Variants in MATR3 observed in about 807,000 individuals in gnomAD.
MATR3 encodes matrin 3.
A neutral mutation model predicts 85.5 loss-of-function variants in MATR3; 4 were observed. The observed-to-expected ratio is 0.05, with a 90% CI of 0.02 to 0.11. The LOEUF (loss-of-function observed/expected upper bound fraction) is 0.11. MATR3 is among the 10% of genes least tolerant of loss of function. MATR3 has a pLI of 1.00. For synonymous variants in MATR3, 336 were observed against 343.1 expected (o/e 0.98, Z 0.23); for missense variants, 685 against 1,016.1 (o/e 0.67, Z 4.43).
At chr5:139,275,197 C>T (rs945763953) in intron 1 of MATR3, among the ~76,000 whole-genome samples, 3 of 124,858 alleles carry the variant, frequency 2.4e-5, no homozygotes, top group Non-Finnish European at 3.2e-5. Flanking sequence ...CGGGGTTTCA[C>T]CGTGTTAGCC....
chr5:139,291,938 C>A (rs954961395), upstream of MATR3: 1 of 79,796 alleles, frequency 1.3e-5, no homozygotes, highest in Admixed American at 1.8e-4. Flanking sequence ...ATTACATAAC[C>A]TTTTTTTTTT....
intron 9 of MATR3, among the ~76,000 whole-genome samples, chr5:139,319,860 C>CT (rs58123057): frequency 0.11 from 4,975 of 44,230 alleles, 532 homozygotes; most frequent in Non-Finnish European, 0.16. Context: ...AAAAAATTTG[C>CT]TTTTTTTTTT....
At chr5:139,288,185 G>C (rs1037150579) in intron 3 of MATR3, among the ~76,000 whole-genome samples, 1 of 152,140 alleles carries the variant, frequency 6.6e-6, no homozygotes, top group African/African-American at 2.4e-5. Context: ...GTGCACTCCA[G>C]CCTGGGAAAC....
At chr5:139,300,057 A>AT (rs1370443448) in intron 1 of MATR3, 1 of 152,178 alleles carries the variant, frequency 6.6e-6, no homozygotes, top group Non-Finnish European at 1.5e-5. Context: ...TAGATAGTGT[A>AT]TTGTTCTTTA....
At chr5:139,327,060 A>G (rs899675522) in intron 14 of MATR3, among the ~76,000 whole-genome samples, 3 of 152,182 alleles carry the variant, frequency 2.0e-5, no homozygotes, top group East Asian at 3.8e-4. Context: ...AATAATTCCT[A>G]TTGAGATATA....
chr5:139,309,339 T>C (rs1445474211), intron 2 of MATR3, among the ~76,000 whole-genome samples: 2 of 152,172 alleles, frequency 1.3e-5, no homozygotes, highest in African/African-American at 4.8e-5. Flanking sequence ...TGGAACAAGT[T>C]GCTGCCATGA....
At position 139,330,943 on chromosome 5, in the gene MATR3, A is replaced by G; in HGVS notation, c.*1548A>G. 1 of 454,000 alleles carries G rather than the reference A, an allele frequency of 2.2e-6. No individual in the cohort carries two copies. The highest frequency in any genetic ancestry group is 1.6e-5 in the South Asian group (1 of 64,472). The allele number at this position is 454,000 out of a possible 1,614,324, so 28.1% of individuals were successfully genotyped here. A position where few individuals can be genotyped will look rare whatever the true frequency, so the allele number is the denominator to read the frequency against. ...GTAGCTGGGACTACAGGCTCATGCCACTATACCTGGCTAGTTTTTGGTTTT... is the reference window on the plus strand; with the variant it reads ...GTAGCTGGGACTACAGGCTCATGCCGCTATACCTGGCTAGTTTTTGGTTTT... On this transcript the variant is annotated 3_prime_UTR_variant, in exon 15 of 15. Transcript: ENST00000394805.
chr5:139,285,325 CAT>C (rs1753668661), intron 3 of MATR3: 2 of 152,146 alleles, frequency 1.3e-5, no homozygotes, highest in Admixed American at 1.3e-4. Flanking sequence ...CAGAACAAAA[CAT>C]AGTCTTTTAG....
chr5:139,300,699 C>G (rs936777714), intron 1 of MATR3, among the ~76,000 whole-genome samples: 3 of 152,220 alleles, frequency 2.0e-5, no homozygotes, highest in Admixed American at 2.0e-4. Context: ...CACTCTGTCA[C>G]CCAGGCTGCA....
chr5:139,329,254 A>G (rs1200893777), intron 14 of MATR3, 91 bp from the exon 15 acceptor site: 9 of 904,782 alleles, frequency 9.9e-6, no homozygotes, highest in Admixed American at 3.6e-5. Flanking sequence ...AAGTCCCTAA[A>G]CTTGGATATA....
chr5:139,306,146 A>G (rs1257674663), intron 1 of MATR3, among the ~76,000 whole-genome samples: 1 of 152,172 alleles, frequency 6.6e-6, no homozygotes, highest in Non-Finnish European at 1.5e-5. Flanking sequence ...GATGTTATGT[A>G]TATCTTTCAA....
At chr5:139,328,183 A>T (rs980184523) in intron 14 of MATR3, among the ~76,000 whole-genome samples, 1 of 152,060 alleles carries the variant, frequency 6.6e-6, no homozygotes, top group African/African-American at 2.4e-5. Context: ...TTTATTAAAA[A>T]AAAAAAAAAA....
In MATR3 at chr5:139,307,856, G is replaced by A; in HGVS notation, c.441G>A (p.Arg147=). 1 of 1,614,106 alleles carries A rather than the reference G, an allele frequency of 6.2e-7. No individual in the cohort carries two copies. The highest frequency in any genetic ancestry group is 8.5e-7 in the Non-Finnish European group (1 of 1,180,002). Residue 147 remains arginine (R), a synonymous_variant, in exon 2 of 15, where the codon AGG becomes AGA. Transcript: ENST00000394805. This position sits in a 1 kb window ranked among gnomAD's most constrained non-coding sequence, Gnocchi z 4.4. The part of the protein sequence containing the change: ...NLPQILLQLK[R]RRTEEGPTLS... ...CCCAAATCCTTCTACAGCTTAAAAG[G>A]AGGAGAACTGAAGAAGGCCCTACCT...
At chr5:139,302,920 G>A (rs995945224) in intron 1 of MATR3, among the ~76,000 whole-genome samples, 2 of 152,150 alleles carry the variant, frequency 1.3e-5, no homozygotes, top group Non-Finnish European at 2.9e-5. Flanking sequence ...GCTGTTGCTT[G>A]TAAGTTTCAA....
rs532990378 is a variant in MATR3, at chr5:139,316,205, C to A, written c.1129+17C>A. On this transcript the variant is annotated intron_variant, in intron 5 of 14. Coordinates refer to ENST00000394805, the MANE Select transcript of MATR3 (RefSeq NM_018834.6). ...GAAATCTGGGTAATTATATAAAATT[C>A]ATGTTACTTTTCCCTACAGAGCCGT... The A allele has an allele frequency of 6.4e-7, 1 of 1,569,230 alleles. No individual in the cohort carries two copies. Among genetic ancestry groups the A allele is most frequent in the East Asian group, 2.2e-5 (1 of 44,644 alleles).
rs1753235976 is a variant in MATR3 at position 139,275,350 on chromosome 5, GCCTCC to G, written c.-286-770_-286-766del. 8.6e-5 allele frequency among the ~76,000 whole-genome samples: 13 copies of G among 151,866 alleles called. No homozygotes were observed. The South Asian group carries it at 2.7e-3, about 32-fold the overall frequency. ...TAGTTGAGGTCTTGGCACGACTACT[GCCTCC>G]AATTCCCCTCACATCCAATACTGCA... On this transcript the variant is annotated intron_variant, in intron 1 of 16. Coordinates refer to ENST00000509990, the Ensembl canonical transcript of MATR3.
rs192042903 is a variant in MATR3 at position 139,309,791 on chromosome 5, A to G, written c.912+1464A>G. On this transcript the variant is annotated intron_variant, in intron 2 of 14. Transcript: ENST00000394805. ...GTTTCTGATCAGCACTAAACTTTAA[A>G]TTTTAGGTCCCGTGTGAATTCATAG... Among the ~76,000 whole-genome samples, 114 of 152,278 alleles carry G rather than the reference A, an allele frequency of 7.5e-4. 1 individual carries two copies. The Middle Eastern group carries it at 0.014, about 18-fold the overall frequency.
chr5:139,280,845 T>C (rs1317637492), intron 3 of MATR3, among the ~76,000 whole-genome samples: 1 of 2,304 alleles, frequency 4.3e-4, no homozygotes, highest in Non-Finnish European at 7.1e-4. Context: ...TTCATTGGTA[T>C]TCCTGTATTC....
chr5:139,321,856 A>G (rs1561942111), intron 9 of MATR3, 42 bp from the exon 10 acceptor site: 1 of 1,599,596 alleles, frequency 6.3e-7, no homozygotes, highest in Non-Finnish European at 8.5e-7. Context: ...ACAATTTTGT[A>G]AAATATAATG....
Sources: gnomAD v4.1 joint callset for allele counts (sites outside exome capture counted in the v4.1 genomes callset) on GRCh38, gnomAD v4.1.1 for gene constraint, Gnocchi (gnomAD v3.1) non-coding constraint, MANE v1.5 for transcripts, NCBI Gene and HGNC (gene_info 2026-07-23, HGNC 2026-07-21) for gene names.